The following RAB22A variants were observed in gnomAD, a reference collection of about 807,000 sequenced individuals.
RAB22A encodes the protein ras-related protein Rab-22A.
A neutral mutation model predicts 30.2 loss-of-function variants in RAB22A; 13 were observed. The observed-to-expected ratio is 0.43, with a 90% CI of 0.28 to 0.68. The LOEUF (loss-of-function observed/expected upper bound fraction) is 0.68. Ranked by LOEUF, RAB22A falls within the 30% of genes least tolerant of loss-of-function variation. RAB22A has a pLI of 0.18. For synonymous variants in RAB22A, 89 were observed against 87.2 expected (o/e 1.02, Z -0.11); for missense variants, 177 against 246.8 (o/e 0.72, Z 1.89).
intron 3 of RAB22A, among the ~76,000 whole-genome samples, chr20:58,348,705 G>A (rs866804307): frequency 4.6e-5 from 7 of 152,086 alleles, no homozygotes; most frequent in African/African-American, 1.4e-4. Flanking sequence ...TGGCAGGGAC[G>A]TCCAGTCTTT....
At chr20:58,346,471 C>A (rs565972878) in intron 3 of RAB22A, among the ~76,000 whole-genome samples, 7 of 152,232 alleles carry the variant, frequency 4.6e-5, no homozygotes, top group Non-Finnish European at 1.0e-4. Flanking sequence ...CTCACCAAAA[C>A]TCTCTGTTCC....
intron 3 of RAB22A, 111 bp downstream of exon 3, chr20:58,343,910 A>G: frequency 1.1e-6 from 1 of 881,548 alleles, no homozygotes. Flanking sequence ...TGTGCACCGG[A>G]GACACATTTA....
At chr20:58,334,108 A>T (rs546073583) in intron 2 of RAB22A, among the ~76,000 whole-genome samples, 1 of 152,218 alleles carries the variant, frequency 6.6e-6, no homozygotes, top group East Asian at 1.9e-4. Context: ...AGGCAGGTGG[A>T]TCACCTGAGG....
At chr20:58,340,958 A>G (rs1368989899) in intron 2 of RAB22A, among the ~76,000 whole-genome samples, 1 of 151,974 alleles carries the variant, frequency 6.6e-6, no homozygotes, top group African/African-American at 2.4e-5. Context: ...AAAAGATTTG[A>G]GACTTGAGAC....
chr20:58,315,797 C>G (rs3787154), intron 2 of RAB22A, among the ~76,000 whole-genome samples: 18,359 of 152,092 alleles, frequency 0.12, 1,731 homozygotes, highest in East Asian at 0.42. Context: ...CCTATCTTGC[C>G]GGGGCTATTG....
rs184219972 is a variant in RAB22A at position 58,344,539 on chromosome 20, A to G, written c.198+740A>G. Among the ~76,000 whole-genome samples, 275 of 152,158 alleles carry G rather than the reference A, an allele frequency of 1.8e-3. 3 individuals carry two copies. The highest frequency in any genetic ancestry group is 9.7e-4 in the East Asian group (5 of 5,168). ...CCCTTTCCTCTGGGTACTAAGTCCA[A>G]TTTCCCTTCCAAGGTGTCTCTGGCA... is the stretch of plus-strand genomic sequence containing the variant. On this transcript the variant is annotated intron_variant, in intron 3 of 6. Coordinates refer to ENST00000244040, the MANE Select transcript of RAB22A (RefSeq NM_020673.3).
At chr20:58,352,331 C>A (rs1284010363) in intron 3 of RAB22A, among the ~76,000 whole-genome samples, 1 of 152,168 alleles carries the variant, frequency 6.6e-6, no homozygotes, top group Non-Finnish European at 1.5e-5. Context: ...TAATCCCTGC[C>A]TGTGTTCAGG....
chr20:58,357,077 G>C (rs1161094455), intron 6 of RAB22A, among the ~76,000 whole-genome samples: 2 of 152,158 alleles, frequency 1.3e-5, no homozygotes, highest in African/African-American at 4.8e-5. Flanking sequence ...CATGCATTCA[G>C]TACAGCTTTA....
Position 58,309,917 on chromosome 20 carries a change from C to A in RAB22A, c.-60C>A. The A allele has an allele frequency of 8.0e-7, 1 of 1,249,890 alleles. No individual in the cohort carries two copies. The allele number at this position is 1,249,890 out of a possible 1,614,324, so 77.4% of individuals were successfully genotyped here. A position where few individuals can be genotyped will look rare whatever the true frequency, so the allele number is the denominator to read the frequency against. Reference sequence around the variant, plus strand: ...GGCGCCAGGGGATGCTCTTGCTGGGCCTGGCCTCTCCCTTCTCAACTTAGG... The same window carrying A: ...GGCGCCAGGGGATGCTCTTGCTGGGACTGGCCTCTCCCTTCTCAACTTAGG... On this transcript the variant is annotated 5_prime_UTR_variant, in exon 1 of 7. Coordinates refer to ENST00000244040, the MANE Select transcript of RAB22A (RefSeq NM_020673.3).
intron 6 of RAB22A, among the ~76,000 whole-genome samples, chr20:58,357,898 G>A (rs1291402349): frequency 6.6e-5 from 10 of 152,186 alleles, no homozygotes; most frequent in African/African-American, 2.2e-4. Flanking sequence ...AATGTCAAAA[G>A]GTGTACATGT....
At chr20:58,328,925 A>G (rs573407158) in intron 2 of RAB22A, among the ~76,000 whole-genome samples, 33 of 152,314 alleles carry the variant, frequency 2.2e-4, no homozygotes, top group Middle Eastern at 6.8e-3. Context: ...CTTCCTGTAG[A>G]ATTGAGTTTT....
chr20:58,326,569 C>T (rs1312727107), intron 2 of RAB22A, among the ~76,000 whole-genome samples: 1 of 152,098 alleles, frequency 6.6e-6, no homozygotes, highest in Non-Finnish European at 1.5e-5. Context: ...ATTCCTCCCC[C>T]TAGTTGAGGA....
chr20:58,333,583 G>A lies in RAB22A; in HGVS notation c.117-10135G>A, dbSNP rs181179960. The stretch of plus-strand genomic sequence containing the variant: ...AAGTAACAGGCAACAGGAGCACAAT[G>A]GATGGGAGGGAAATATATGAATATG... On this transcript the variant is annotated intron_variant, in intron 2 of 6. Transcript: ENST00000244040. 3.9e-5 allele frequency among the ~76,000 whole-genome samples: 6 copies of A among 152,290 alleles called. No homozygotes were observed. The East Asian group carries it at 9.6e-4, about 24-fold the overall frequency.
At chr20:58,353,143 A>T (rs1465438006) in intron 3 of RAB22A, 130 bp from the exon 4 acceptor site, 1 of 822,572 alleles carries the variant, frequency 1.2e-6, no homozygotes, top group Non-Finnish European at 1.9e-6. Flanking sequence ...TTTGCTTTAA[A>T]GCAGCATGTC....
At chr20:58,323,136 G>C (rs1986491820) in intron 2 of RAB22A, among the ~76,000 whole-genome samples, 1 of 152,020 alleles carries the variant, frequency 6.6e-6, no homozygotes, top group Non-Finnish European at 1.5e-5. Context: ...TAGGATTCTT[G>C]AGTTTCTCTC....
chr20:58,332,793 T>A (rs1311509994), intron 2 of RAB22A, among the ~76,000 whole-genome samples: 1 of 151,790 alleles, frequency 6.6e-6, no homozygotes, highest in Non-Finnish European at 1.5e-5. Flanking sequence ...AAACCACAAC[T>A]CCACAGTCTA....
In RAB22A at chr20:58,361,588, A is replaced by G. The variant is rs1020586089; in HGVS notation, c.*1885A>G. 8 of 152,286 alleles carry G rather than the reference A, an allele frequency of 5.3e-5. No homozygotes were observed. Among genetic ancestry groups the G allele is most frequent in the Non-Finnish European group, 7.4e-5 (5 of 68,020 alleles). 9.4% of individuals were successfully genotyped at this position (152,286 alleles called of 1,614,324 possible). On this transcript the variant is annotated 3_prime_UTR_variant, in exon 7 of 7. Coordinates refer to ENST00000244040, the MANE Select transcript of RAB22A (RefSeq NM_020673.3). ...TCCCAGAGCCAGGCGCTTTACACCT[A>G]AAGTAGTTTGACTTTCTTCTGTATA...
At position 58,365,483 on chromosome 20, in the gene RAB22A, A is replaced by G. The variant is rs1987299253; in HGVS notation, c.*5780A>G. ...GAATAATCAGTTTTACTCCTGAAAAATTTTGAAGCCAGCACTGACTTTGTT... is the reference window on the plus strand; with the variant it reads ...GAATAATCAGTTTTACTCCTGAAAAGTTTTGAAGCCAGCACTGACTTTGTT... On this transcript the variant is annotated 3_prime_UTR_variant, in exon 7 of 7. Coordinates refer to ENST00000244040, the MANE Select transcript of RAB22A (RefSeq NM_020673.3). The G allele has an allele frequency of 6.6e-6, 1 of 152,180 alleles. No individual in the cohort carries two copies. The highest frequency in any genetic ancestry group is 1.5e-5 in the Non-Finnish European group (1 of 68,034). The allele number at this position is 152,180 out of a possible 1,614,324, so 9.4% of individuals were successfully genotyped here.
At position 58,329,792 on chromosome 20, in the gene RAB22A, C is replaced by T. The variant is rs1415627769; in HGVS notation, c.117-13926C>T. 3.3e-5 allele frequency among the ~76,000 whole-genome samples: 5 copies of T among 152,136 alleles called. No homozygotes were observed. The East Asian group carries it at 9.7e-4, about 29-fold the overall frequency. On this transcript the variant is annotated intron_variant, in intron 2 of 6. Transcript: ENST00000244040. ...TGAGTTTGTGTCCTTTTCCCTACCC[C>T]CATCTTTTTCTCTCTATTCTTAACA...
Sources: gnomAD v4.1 joint callset for allele counts (sites outside exome capture counted in the v4.1 genomes callset) on GRCh38, gnomAD v4.1.1 for gene constraint, MANE v1.5 for transcripts, NCBI Gene and HGNC (gene_info 2026-07-23, HGNC 2026-07-21) for gene names.